Variants in ANXA2 observed in about 807,000 individuals in gnomAD.
ANXA2 encodes annexin A2.
Under a neutral mutation model 47.3 loss-of-function variants are expected in ANXA2, and 28 were observed. The ratio of observed to expected loss-of-function variants is 0.59; its 90% confidence interval spans 0.44 to 0.81. ANXA2 has a LOEUF of 0.81. ANXA2 is among the 40% of genes least tolerant of loss of function. ANXA2 has a pLI of 0.00. For missense variants in ANXA2, 384 were observed against 414.3 expected (o/e 0.93, Z 0.64); for synonymous variants, 172 against 155.5 (o/e 1.11, Z -0.79).
Position 60,352,336 on chromosome 15 carries a change from C to T in ANXA2, c.682+47G>A. ...CAACATGGACATCCACCCAGCCGCC[C>T]CAGCCAGGGCCCCAAGGCACTGAGA... On this transcript the variant is annotated intron_variant, in intron 9 of 12. Coordinates refer to ENST00000451270, the MANE Select transcript of ANXA2 (RefSeq NM_004039.3). The surrounding 1 kb of genome is among the most constrained non-coding windows in gnomAD (Gnocchi z 4.2). 1 of 1,425,700 alleles carries T rather than the reference C, an allele frequency of 7.0e-7. No individual in the cohort carries two copies. The highest frequency in any genetic ancestry group is 9.8e-7 in the Non-Finnish European group (1 of 1,019,280). 88.3% of individuals were successfully genotyped at this position (1,425,700 alleles called of 1,614,324 possible).
chr15:60,384,349 A>G (rs765818132), intron 2 of ANXA2: 6 of 152,238 alleles, frequency 3.9e-5, no homozygotes, highest in Non-Finnish European at 7.3e-5. Flanking sequence ...GTTTTGTGTC[A>G]TTTTATAGTG....
At chr15:60,353,719 C>T (rs1249530456) in intron 8 of ANXA2, among the ~76,000 whole-genome samples, 2 of 152,146 alleles carry the variant, frequency 1.3e-5, no homozygotes, top group Non-Finnish European at 2.9e-5. Flanking sequence ...AGGTGGGACT[C>T]CTGAGGTTAG....
chr15:60,368,529 A>C (rs2062669115), intron 3 of ANXA2, among the ~76,000 whole-genome samples: 1 of 152,046 alleles, frequency 6.6e-6, no homozygotes, highest in Non-Finnish European at 1.5e-5. Context: ...GTATTAATTA[A>C]TGTTGGAAAA....
Position 60,347,363 on chromosome 15 carries a change from G to C in ANXA2, c.*267C>G, listed in dbSNP as rs1159873864. 1 of 529,790 alleles carries C rather than the reference G, an allele frequency of 1.9e-6. No individual in the cohort carries two copies. The highest frequency in any genetic ancestry group is 1.9e-5 in the African/African-American group (1 of 52,518). 32.8% of individuals were successfully genotyped at this position (529,790 alleles called of 1,614,324 possible). A position where few individuals can be genotyped will look rare whatever the true frequency, so the allele number is the denominator to read the frequency against. ...AAGTACAAATTCAGTTTATTCATCT[G>C]TTTATGACACAGTACACAGGAGGCA... On this transcript the variant is annotated 3_prime_UTR_variant, in exon 13 of 13. Transcript: ENST00000451270.
In ANXA2 at chr15:60,349,217, T is replaced by C; in HGVS notation, c.838-20A>G. On this transcript the variant is annotated intron_variant, in intron 11 of 12. Transcript: ENST00000451270. ...CTTGCCCTGAAAATCAAGTTGATATTTGTTACATTCGCTGAGAATGTTATC... is the reference window on the plus strand; with the variant it reads ...CTTGCCCTGAAAATCAAGTTGATATCTGTTACATTCGCTGAGAATGTTATC... 6.2e-7 allele frequency: 1 copy of C among 1,613,306 alleles called. No individual in the cohort carries two copies.
intron 1 of ANXA2, chr15:60,393,673 C>T (rs766230940): frequency 1.0e-5 from 10 of 985,454 alleles, no homozygotes; most frequent in Non-Finnish European, 1.2e-5. Flanking sequence ...TACAGGAAAT[C>T]ATAAATGCCG....
Position 60,347,679 on chromosome 15 carries a change from T to C in ANXA2, c.971A>G (p.Lys324Arg). The C allele has an allele frequency of 1.2e-6, 2 of 1,614,144 alleles. No homozygotes were observed. The highest frequency in any genetic ancestry group is 1.7e-6 in the Non-Finnish European group (2 of 1,180,012). Residue 324 changes from lysine to arginine, a missense_variant, in exon 13 of 13, where the codon AAG becomes AGG. Transcript: ENST00000451270. The part of the protein sequence containing the change: ...SLYYYIQQDT[K>R]GDYQKALLYL... ...CAGCAGCGCTTTCTGGTAGTCGCCC[T>C]TAGTGTCTTGCTACAATGGCCCAGG...
At chr15:60,378,330 T>G (rs896699626) in intron 3 of ANXA2, among the ~76,000 whole-genome samples, 1 of 152,214 alleles carries the variant, frequency 6.6e-6, no homozygotes, top group African/African-American at 2.4e-5. Flanking sequence ...AATAAAGATG[T>G]TGAAAATTAT....
chr15:60,360,955 T>C lies in ANXA2; in HGVS notation c.343A>G (p.Lys115Glu). The change falls in exon 5 of 13, where the codon AAA becomes GAA. Residue 115 changes from lysine to glutamate, a missense_variant. Lys to Glu is a moderately conservative substitution (Grantham distance 56). Transcript: ENST00000451270. ...CATGCATTTACCTTCATGGAAGCTT[T>C]TAGCTCAGAAGCGTCATACTGAGCA... Reference protein sequence around the residue: ...TPAQYDASELKASMKGLGTDE... With the variant: ...TPAQYDASELEASMKGLGTDE... 1 of 1,608,320 alleles carries C rather than the reference T, an allele frequency of 6.2e-7. No homozygotes were observed. The highest frequency in any genetic ancestry group is 8.5e-7 in the Non-Finnish European group (1 of 1,174,704).
intron 1 of ANXA2, among the ~76,000 whole-genome samples, chr15:60,389,819 C>T (rs749528759): frequency 2.0e-5 from 3 of 152,270 alleles, no homozygotes; most frequent in South Asian, 2.1e-4. Flanking sequence ...CTTGCCTCTC[C>T]GCACTCACCA....
intron 1 of ANXA2, among the ~76,000 whole-genome samples, chr15:60,389,933 C>T (rs1255140991): frequency 6.6e-6 from 1 of 152,138 alleles, no homozygotes; most frequent in East Asian, 1.9e-4. Context: ...TTCATTCATC[C>T]ATTCGGCAGA....
intron 1 of ANXA2, chr15:60,391,425 T>C (rs1199145828): frequency 1.3e-5 from 2 of 152,194 alleles, no homozygotes; most frequent in Non-Finnish European, 2.9e-5. Flanking sequence ...AGAGGAATAA[T>C]GCCCCAGGGT....
At chr15:60,365,453 A>T (rs183529779) in intron 3 of ANXA2, among the ~76,000 whole-genome samples, 118 of 152,346 alleles carry the variant, frequency 7.7e-4, no homozygotes, top group African/African-American at 2.8e-3. Flanking sequence ...AGTCTTTGCC[A>T]TAACTGGATA....
chr15:60,355,553 C>G (rs1001869447), intron 7 of ANXA2: 1 of 350,944 alleles, frequency 2.8e-6, no homozygotes, highest in African/African-American at 2.1e-5. Flanking sequence ...GAGAAGTAAA[C>G]GCAGTGAAAA....
intron 6 of ANXA2, 138 bp downstream of exon 6, chr15:60,357,008 T>C: frequency 4.4e-6 from 3 of 680,194 alleles, no homozygotes; most frequent in Non-Finnish European, 7.7e-6. Context: ...CAGCCAACCT[T>C]GCCTGCATAG....
rs777462272 is a variant in ANXA2 at position 60,355,797 on chromosome 15, A to G, written c.528+122T>C. 6.8e-6 allele frequency: 6 copies of G among 879,626 alleles called. 1 individual carries two copies. In the East Asian group the frequency reaches 1.5e-4, roughly 21 times the overall value. 54.5% of individuals were successfully genotyped at this position (879,626 alleles called of 1,614,324 possible). On this transcript the variant is annotated intron_variant, in intron 7 of 12. Coordinates refer to ENST00000451270, the MANE Select transcript of ANXA2 (RefSeq NM_004039.3). Reference sequence around the variant, plus strand: ...AGTGACAGTGCAAACCCACTTTCAAAAATGCAGCTGAATTTCTGATGCAGG... The same window carrying G: ...AGTGACAGTGCAAACCCACTTTCAAGAATGCAGCTGAATTTCTGATGCAGG...
chr15:60,351,670 C>G, intron 10 of ANXA2, 54 bp downstream of exon 10: 1 of 1,178,986 alleles, frequency 8.5e-7, no homozygotes, highest in Non-Finnish European at 1.3e-6. Context: ...GGCCATCTGT[C>G]ACTTCTGCTC....
At chr15:60,396,650 T>C (rs145801872) in intron 1 of ANXA2, among the ~76,000 whole-genome samples, 1 of 152,352 alleles carries the variant, frequency 6.6e-6, no homozygotes, top group East Asian at 1.9e-4. Flanking sequence ...CTTTCAGGGC[T>C]AGCCTGGGAA....
intron 1 of ANXA2, chr15:60,390,724 G>A (rs2062997987): frequency 5.6e-6 from 1 of 179,820 alleles, no homozygotes; most frequent in Non-Finnish European, 1.2e-5. Flanking sequence ...AAAATCTTGA[G>A]GTTATGTCCA....
Sources: allele counts gnomAD v4.1 joint callset (sites outside exome capture counted in the v4.1 genomes callset), GRCh38; gene constraint gnomAD v4.1.1; non-coding constraint Gnocchi (gnomAD v3.1); transcripts MANE v1.5; gene names NCBI Gene and HGNC (gene_info 2026-07-23, HGNC 2026-07-21).